The following PTPRO variants were observed in gnomAD, a reference collection of about 807,000 sequenced individuals.
The protein encoded by PTPRO is protein tyrosine phosphatase receptor type O, also known as receptor-type tyrosine-protein phosphatase O.
PTPRO carries 62 observed loss-of-function variants against 145.2 expected under a neutral mutation model. The observed-to-expected ratio is 0.43, with a 90% CI of 0.35 to 0.53. The LOEUF (loss-of-function observed/expected upper bound fraction) is 0.53. Among genes scored for constraint, PTPRO ranks in the 20% least tolerant of loss-of-function variants. The pLI is 0.01. For synonymous variants in PTPRO, 565 were observed against 514.7 expected (o/e 1.10, Z -1.32); for missense variants, 1,345 against 1,482.7 (o/e 0.91, Z 1.53).
At chr12:15,509,561 G>T (rs1429210020) in intron 7 of PTPRO, among the ~76,000 whole-genome samples, 9 of 151,868 alleles carry the variant, frequency 5.9e-5, no homozygotes, top group Admixed American at 1.3e-4. Flanking sequence ...GCCAGGCGTG[G>T]TGGCACGTGC....
At chr12:15,418,062 A>T (rs1383972157) in intron 1 of PTPRO, among the ~76,000 whole-genome samples, 15 of 151,686 alleles carry the variant, frequency 9.9e-5, no homozygotes, top group Non-Finnish European at 4.4e-5. Context: ...CACCTACATC[A>T]CTAGGCACAC....
intron 14 of PTPRO, 38 bp from the exon 15 acceptor site, chr12:15,551,513 G>C (rs1233702700): frequency 6.2e-7 from 1 of 1,609,150 alleles, no homozygotes; most frequent in African/African-American, 1.3e-5. Flanking sequence ...TTCCCTGTAA[G>C]AGAACCTATG....
intron 12 of PTPRO, among the ~76,000 whole-genome samples, chr12:15,539,844 G>T (rs2135537506): frequency 7.2e-6 from 1 of 138,576 alleles, no homozygotes; most frequent in East Asian, 2.2e-4. Flanking sequence ...TAACTCCTGA[G>T]AAAATTTTAT....
intron 1 of PTPRO, among the ~76,000 whole-genome samples, chr12:15,335,389 A>T (rs560979772): frequency 1.3e-5 from 2 of 152,224 alleles, no homozygotes; most frequent in Admixed American, 1.3e-4. Flanking sequence ...ATAGAAAAAA[A>T]AGGTTTTTAT....
rs369521653 is a variant in PTPRO at position 15,400,004 on chromosome 12, T to C, written c.75+77203T>C. ...AGGTGGAGGTTGCAGTGAGCCCAGATTGCACTAGTGCACTCCAGCCTGGGT... is the reference window on the plus strand; with the variant it reads ...AGGTGGAGGTTGCAGTGAGCCCAGACTGCACTAGTGCACTCCAGCCTGGGT... On this transcript the variant is annotated intron_variant, in intron 1 of 26. Coordinates refer to ENST00000281171, the MANE Select transcript of PTPRO (RefSeq NM_030667.3). Among the ~76,000 whole-genome samples the C allele has an allele frequency of 1.8e-3, 265 of 144,834 alleles. 11 individuals are homozygous for C. In the South Asian group the frequency reaches 0.06, roughly 33 times the overall value.
intron 1 of PTPRO, among the ~76,000 whole-genome samples, chr12:15,388,374 C>G (rs918359967): frequency 6.6e-6 from 1 of 152,036 alleles, no homozygotes; most frequent in African/African-American, 2.4e-5. Context: ...TTTTACTGTA[C>G]AATTCTGTTT....
intron 2 of PTPRO, among the ~76,000 whole-genome samples, chr12:15,484,668 G>T (rs1176413335): frequency 6.6e-6 from 1 of 151,970 alleles, no homozygotes; most frequent in Non-Finnish European, 1.5e-5. Flanking sequence ...TTCAGGTATA[G>T]GTCTTTGGCT....
At chr12:15,590,463 G>C (rs566452640) in intron 25 of PTPRO, among the ~76,000 whole-genome samples, 61 of 152,206 alleles carry the variant, frequency 4.0e-4, no homozygotes, top group Admixed American at 9.8e-4. Context: ...AACCTGGCCC[G>C]ACCTGTAATC....
At chr12:15,451,583 C>T (rs942240146) in intron 1 of PTPRO, among the ~76,000 whole-genome samples, 2 of 152,132 alleles carry the variant, frequency 1.3e-5, no homozygotes, top group African/African-American at 4.8e-5. Context: ...CAAGATAGAC[C>T]AGATGATAGG....
intron 18 of PTPRO, among the ~76,000 whole-genome samples, chr12:15,568,325 G>A (rs1452745860): frequency 6.6e-6 from 1 of 152,200 alleles, no homozygotes; most frequent in Non-Finnish European, 1.5e-5. Flanking sequence ...AGCTACTTGG[G>A]AGGCTGAGGC....
intron 12 of PTPRO, 57 bp downstream of exon 12, chr12:15,526,319 A>G: frequency 1.9e-6 from 3 of 1,600,084 alleles, no homozygotes; most frequent in Non-Finnish European, 2.6e-6. Flanking sequence ...GCATCATTCG[A>G]TTCAGCAAGA....
At chr12:15,573,023 A>G (rs1014660250) in intron 19 of PTPRO, among the ~76,000 whole-genome samples, 2 of 144,720 alleles carry the variant, frequency 1.4e-5, no homozygotes, top group Non-Finnish European at 2.9e-5. Context: ...GCTACAATCA[A>G]GCTTTATAAC....
intron 11 of PTPRO, among the ~76,000 whole-genome samples, chr12:15,525,366 G>T (rs954490539): frequency 1.3e-5 from 2 of 152,104 alleles, no homozygotes; most frequent in African/African-American, 4.8e-5. Flanking sequence ...TATTGATAAG[G>T]GGACAGACTA....
chr12:15,589,409 A>G, intron 24 of PTPRO, 46 bp from the exon 25 acceptor site: 2 of 1,613,148 alleles, frequency 1.2e-6, no homozygotes, highest in Non-Finnish European at 1.7e-6. Context: ...GGAGAAAAAA[A>G]AGAAGCACCA....
At chr12:15,540,257 G>A (rs997367645) in intron 12 of PTPRO, among the ~76,000 whole-genome samples, 7 of 152,086 alleles carry the variant, frequency 4.6e-5, no homozygotes, top group Admixed American at 2.6e-4. Flanking sequence ...TATGACTTAC[G>A]CTGCTTAACA....
intron 2 of PTPRO, among the ~76,000 whole-genome samples, chr12:15,490,066 G>C (rs935308197): frequency 5.9e-5 from 9 of 152,172 alleles, no homozygotes; most frequent in African/African-American, 2.2e-4. Flanking sequence ...GAGGAATTTA[G>C]ACTTTAACCT....
intron 7 of PTPRO, among the ~76,000 whole-genome samples, chr12:15,514,970 C>T (rs1020092653): frequency 1.3e-5 from 2 of 151,584 alleles, no homozygotes; most frequent in Non-Finnish European, 1.5e-5. Context: ...TCACTATGTT[C>T]GTCAGGCTGG....
intron 13 of PTPRO, among the ~76,000 whole-genome samples, chr12:15,547,962 T>G (rs1217406660): frequency 6.6e-6 from 1 of 152,222 alleles, no homozygotes; most frequent in Non-Finnish European, 1.5e-5. Flanking sequence ...GTCCACCAAG[T>G]TAGCAACTTC....
intron 1 of PTPRO, among the ~76,000 whole-genome samples, chr12:15,478,944 T>C (rs1218407313): frequency 6.6e-6 from 1 of 152,186 alleles, no homozygotes; most frequent in Admixed American, 6.5e-5. Context: ...GTGGTGGGAT[T>C]ACAGGCGTGA....
Sources: allele counts gnomAD v4.1 joint callset (sites outside exome capture counted in the v4.1 genomes callset), GRCh38; gene constraint gnomAD v4.1.1; transcripts MANE v1.5; gene names NCBI Gene and HGNC (gene_info 2026-07-23, HGNC 2026-07-21).